The following NFASC variants were observed in gnomAD, a reference collection of about 807,000 sequenced individuals.
NFASC encodes the protein neurofascin homolog.
A neutral mutation model predicts 147.5 loss-of-function variants in NFASC; 43 were observed. That is an observed-to-expected ratio of 0.29 (90% CI 0.23 to 0.38). The LOEUF (loss-of-function observed/expected upper bound fraction) is 0.38, where lower values mean the gene tolerates loss of function less well. Ranked by LOEUF, NFASC falls within the 10% of genes least tolerant of loss-of-function variation. The probability of loss-of-function intolerance (pLI) is 1.00; values close to 1 mark genes in which losing one functional copy is unlikely to be tolerated. For synonymous variants in NFASC, 622 were observed against 665.5 expected (o/e 0.93, Z 1.01); for missense variants, 1,320 against 1,689.0 (o/e 0.78, Z 3.83).
rs7554850 is a variant in NFASC at position 204,954,521 on chromosome 1, C to A, written c.412+137C>A. ...TGGTGTTCTCTATGCATCTTCCCCACCTCAGAATGATTCCCTGGAAAGGAA... is the reference window on the plus strand; with the variant it reads ...TGGTGTTCTCTATGCATCTTCCCCAACTCAGAATGATTCCCTGGAAAGGAA... On this transcript the variant is annotated intron_variant, in intron 6 of 29. Coordinates refer to ENST00000339876, the MANE Select transcript of NFASC (RefSeq NM_001005388.3). This position sits in a 1 kb window ranked among gnomAD's most constrained non-coding sequence, Gnocchi z 5.7. 4,792 of 786,680 alleles carry A rather than the reference C, an allele frequency of 6.1e-3. 165 individuals are homozygous for A. The African/African-American group carries it at 0.074, about 12-fold the overall frequency. 48.7% of individuals were successfully genotyped at this position (786,680 alleles called of 1,614,324 possible).
chr1:204,863,217 C>T (rs779826255), intron 1 of NFASC, among the ~76,000 whole-genome samples: 29 of 152,184 alleles, frequency 1.9e-4, no homozygotes, highest in Non-Finnish European at 3.8e-4. Context: ...AGATCCCCAG[C>T]TCCATGCCAT....
Position 205,001,245 on chromosome 1 carries a change from A to G in NFASC, c.3095A>G (p.Asn1032Ser), listed in dbSNP as rs377230885. 4 of 1,612,514 alleles carry G rather than the reference A, an allele frequency of 2.5e-6. No homozygotes were observed. Among genetic ancestry groups the G allele is most frequent in the Non-Finnish European group, 3.4e-6 (4 of 1,179,306 alleles). Residue 1032 changes from asparagine to serine, a missense_variant, in exon 26 of 30, where the codon AAT (asparagine) becomes AGT (serine). Coordinates refer to ENST00000339876, the MANE Select transcript of NFASC (RefSeq NM_001005388.3). ...SKWANITWKHNFGPGTDFVVE... is the reference protein window; with the variant it reads ...SKWANITWKHSFGPGTDFVVE... ...TGGGCCAACATCACCTGGAAGCACA[A>G]TTTCGGGCCCGGAACTGACTTTGTG...
chr1:204,847,926 G>T (rs2075320987), intron 1 of NFASC, among the ~76,000 whole-genome samples: 1 of 152,230 alleles, frequency 6.6e-6, no homozygotes, highest in East Asian at 1.9e-4. Context: ...ATTAGTCACA[G>T]TTAATGGTGT....
Position 204,997,207 on chromosome 1 carries a change from G to T in NFASC, c.2820G>T (p.Thr940=). ...PTLPPTTVGA[T]GAVSSTDATA... ...TGCCCCCGACTACCGTGGGTGCGAC[G>T]GGCGCTGTGAGCAGTACCGATGCTA... is the stretch of plus-strand genomic sequence containing the variant. The change falls in exon 25 of 30, where the codon ACG becomes ACT. Residue 940 remains threonine (T), a synonymous_variant. Transcript: ENST00000339876. The T allele has an allele frequency of 6.2e-7, 1 of 1,613,534 alleles. No individual in the cohort carries two copies. The highest frequency in any genetic ancestry group is 8.5e-7 in the Non-Finnish European group (1 of 1,179,702).
intron 1 of NFASC, among the ~76,000 whole-genome samples, chr1:204,914,982 A>G (rs780517096): frequency 6.6e-6 from 1 of 152,222 alleles, no homozygotes. Flanking sequence ...TGGAACTGTT[A>G]AAATAACAAG....
rs538290496 is a variant in NFASC, at chr1:204,852,174, A to G, written c.-200+23392A>G. Among the ~76,000 whole-genome samples the G allele has an allele frequency of 6.0e-4, 91 of 152,332 alleles. 1 individual carries two copies. The Middle Eastern group carries it at 0.02, about 34-fold the overall frequency. ...AGAATTGGAAGGAGCATTAGCGATC[A>G]TCTGATCCCATTAGAGCTGCCCCCA... On this transcript the variant is annotated intron_variant, in intron 1 of 29. Transcript: ENST00000339876.
At chr1:204,844,807 G>A (rs538780627) in intron 1 of NFASC, among the ~76,000 whole-genome samples, 35 of 152,318 alleles carry the variant, frequency 2.3e-4, no homozygotes, top group Non-Finnish European at 2.4e-4. Context: ...CAGACTGAGA[G>A]TTTTTAAGGA....
At chr1:204,993,681 G>A (rs2095789518) in intron 24 of NFASC, 1 of 481,614 alleles carries the variant, frequency 2.1e-6, no homozygotes, top group South Asian at 1.5e-5. Context: ...TTGGTCGCCA[G>A]GCTGATGGTC....
Position 205,018,901 on chromosome 1 carries a change from G to A in NFASC, c.*2362G>A, listed in dbSNP as rs974127275. The A allele has an allele frequency of 6.6e-6, 1 of 152,252 alleles. No homozygotes were observed. The highest frequency in any genetic ancestry group is 2.4e-5 in the African/African-American group (1 of 41,444). The allele number at this position is 152,252 out of a possible 1,614,324, so 9.4% of individuals were successfully genotyped here. On this transcript the variant is annotated 3_prime_UTR_variant, in exon 30 of 30. Coordinates refer to ENST00000339876, the MANE Select transcript of NFASC (RefSeq NM_001005388.3). ...GGGAAGGGCTGCTTCTCTCGTAAGG[G>A]TCTTGGGGAGAAGTAAGCCCGCAGC...
chr1:204,932,235 G>A (rs2092425562), intron 2 of NFASC, among the ~76,000 whole-genome samples: 1 of 152,126 alleles, frequency 6.6e-6, no homozygotes, highest in South Asian at 2.1e-4. Flanking sequence ...AGTAAAAACA[G>A]CTTTATGTTC....
intron 1 of NFASC, among the ~76,000 whole-genome samples, chr1:204,911,213 T>A (rs1374394313): frequency 1.3e-5 from 2 of 152,226 alleles, no homozygotes; most frequent in Non-Finnish European, 2.9e-5. Flanking sequence ...TAATTTTTCT[T>A]AATTAGCCTG....
At position 204,920,681 on chromosome 1, in the gene NFASC, G is replaced by A. The variant is rs768942922; in HGVS notation, c.-150G>A. ...GGACGCTGGAGTTTACCTTCCCTCC[G>A]CAGCCTGGAACAGAGCCTCCTCTGG... On this transcript the variant is annotated 5_prime_UTR_variant, in exon 2 of 30. Coordinates refer to ENST00000339876, the MANE Select transcript of NFASC (RefSeq NM_001005388.3). 2.2e-5 allele frequency: 28 copies of A among 1,289,288 alleles called. No homozygotes were observed. The highest frequency in any genetic ancestry group is 2.5e-5 in the Non-Finnish European group (25 of 988,762). The allele number at this position is 1,289,288 out of a possible 1,614,324, so 79.9% of individuals were successfully genotyped here.
In NFASC at chr1:204,987,460, T is replaced by A. The variant is rs369481636; in HGVS notation, c.2513T>A (p.Leu838Gln). 1 of 1,613,516 alleles carries A rather than the reference T, an allele frequency of 6.2e-7. No homozygotes were observed. The highest frequency in any genetic ancestry group is 8.5e-7 in the Non-Finnish European group (1 of 1,179,740). The part of the protein sequence containing the change: ...PRRFRVRQPN[L>Q]ETINLEWDHP... ...CGTTTCCGAGTCCGGCAGCCCAACC[T>A]GGAGACAATCAACCTGGAATGGGAT... Residue 838 changes from leucine (L) to glutamine (Q), a missense_variant, in exon 22 of 30, where the codon CTG becomes CAG. Leu to Gln is a moderately radical substitution (Grantham distance 113, BLOSUM62 -2). Coordinates refer to ENST00000339876, the MANE Select transcript of NFASC (RefSeq NM_001005388.3). This position sits in a 1 kb window ranked among gnomAD's most constrained non-coding sequence, Gnocchi z 4.4.
intron 1 of NFASC, among the ~76,000 whole-genome samples, chr1:204,859,477 G>A (rs2076480093): frequency 6.6e-6 from 1 of 152,234 alleles, no homozygotes; most frequent in African/African-American, 2.4e-5. Flanking sequence ...TCACTATACT[G>A]TAAGCTCCAT....
intron 2 of NFASC, among the ~76,000 whole-genome samples, chr1:204,941,565 C>A (rs2149754678): frequency 6.6e-6 from 1 of 152,314 alleles, no homozygotes; most frequent in Admixed American, 6.5e-5. Flanking sequence ...ATCCCTGCTG[C>A]CCCTGCTGTG....
chr1:204,967,032 A>G (rs2094987212), intron 8 of NFASC, among the ~76,000 whole-genome samples: 1 of 152,084 alleles, frequency 6.6e-6, no homozygotes, highest in Non-Finnish European at 1.5e-5. Context: ...TCCTCACGCT[A>G]CCAGCACCGA....
rs370209602 is a variant in NFASC, at chr1:204,964,157, A to C, written c.707-4092A>C. 5.9e-5 allele frequency among the ~76,000 whole-genome samples: 9 copies of C among 152,222 alleles called. No homozygotes were observed. In the East Asian group the frequency reaches 1.3e-3, roughly 23 times the overall value. ...GACATACCATTGAGTGATGCTGAGTAAGTCATTTAGTGTCTCAGAACTTTA... is the reference window on the plus strand; with the variant it reads ...GACATACCATTGAGTGATGCTGAGTCAGTCATTTAGTGTCTCAGAACTTTA... On this transcript the variant is annotated intron_variant, in intron 8 of 29. Transcript: ENST00000339876.
intron 1 of NFASC, among the ~76,000 whole-genome samples, chr1:204,853,582 A>G (rs1435515153): frequency 2.0e-5 from 3 of 152,202 alleles, no homozygotes; most frequent in African/African-American, 4.8e-5. Flanking sequence ...TTTGTGTTCT[A>G]TTCCTATCTG....
chr1:204,886,708 C>A (rs1249884394), intron 1 of NFASC, among the ~76,000 whole-genome samples: 1 of 152,106 alleles, frequency 6.6e-6, no homozygotes, highest in Non-Finnish European at 1.5e-5. Context: ...AAACTGAGGC[C>A]CAGGGAGACG....
Sources: gnomAD v4.1 joint callset for allele counts (sites outside exome capture counted in the v4.1 genomes callset) on GRCh38, gnomAD v4.1.1 for gene constraint, Gnocchi (gnomAD v3.1) non-coding constraint, MANE v1.5 for transcripts, NCBI Gene and HGNC (gene_info 2026-07-23, HGNC 2026-07-21) for gene names.